The following OR4E2 variants were observed in gnomAD, a reference collection of about 807,000 sequenced individuals.
The protein encoded by OR4E2 is olfactory receptor 4E2.
OR4E2 carries 9 observed loss-of-function variants against 11.0 expected under a neutral mutation model. That is an observed-to-expected ratio of 0.82 (90% CI 0.49 to 1.43). The LOEUF is 1.43. OR4E2 is among the 40% of genes most tolerant of loss of function. The pLI is 0.00. For missense variants in OR4E2, 441 were observed against 382.0 expected (o/e 1.15, Z -1.29); for synonymous variants, 159 against 147.3 (o/e 1.08, Z -0.57).
chr14:21,660,345 G>T (rs1415632834), intron 2 of OR4E2, among the ~76,000 whole-genome samples: 5 of 152,238 alleles, frequency 3.3e-5, no homozygotes, highest in Admixed American at 6.5e-5. Flanking sequence ...TGGCCCAGGT[G>T]CTGGGGACCC....
chr14:21,654,341 A>G (rs1328466944), intron 1 of OR4E2, among the ~76,000 whole-genome samples: 1 of 151,830 alleles, frequency 6.6e-6, no homozygotes, highest in Non-Finnish European at 1.5e-5. Flanking sequence ...AGAGAAGCAG[A>G]ACCAAAGGTT....
intron 2 of OR4E2, among the ~76,000 whole-genome samples, chr14:21,659,594 C>A (rs1388249015): frequency 6.6e-6 from 1 of 152,014 alleles, no homozygotes; most frequent in Non-Finnish European, 1.5e-5. Flanking sequence ...TTTAATCTTG[C>A]AAATATTTTG....
intron 2 of OR4E2, among the ~76,000 whole-genome samples, chr14:21,659,780 A>G (rs1287462986): frequency 6.6e-6 from 1 of 152,232 alleles, no homozygotes; most frequent in Non-Finnish European, 1.5e-5. Flanking sequence ...TGATTCATAG[A>G]GCGAAACAAA....
At chr14:21,659,228 T>C (rs759263697) in intron 2 of OR4E2, among the ~76,000 whole-genome samples, 1 of 152,134 alleles carries the variant, frequency 6.6e-6, no homozygotes, top group Non-Finnish European at 1.5e-5. Context: ...AGAGATGCAG[T>C]GTCACTATGT....
At chr14:21,662,555 CT>C (rs1381509316) in intron 3 of OR4E2, among the ~76,000 whole-genome samples, 1 of 152,186 alleles carries the variant, frequency 6.6e-6, no homozygotes, top group Admixed American at 6.5e-5. Flanking sequence ...CTGCCTCGGC[CT>C]CCCAAAGTGC....
chr14:21,659,710 C>T (rs1880207908), intron 2 of OR4E2, among the ~76,000 whole-genome samples: 1 of 152,084 alleles, frequency 6.6e-6, no homozygotes, highest in South Asian at 2.1e-4. Flanking sequence ...AAGTTATAAT[C>T]GTTCAAAAAT....
intron 3 of OR4E2, among the ~76,000 whole-genome samples, chr14:21,661,454 A>G (rs1880321670): frequency 6.6e-6 from 1 of 152,066 alleles, no homozygotes; most frequent in African/African-American, 2.4e-5. Context: ...GGTTCGTAAT[A>G]TACTCATAAT....
At chr14:21,664,511 G>A (rs1169203464) in intron 3 of OR4E2, among the ~76,000 whole-genome samples, 1 of 152,132 alleles carries the variant, frequency 6.6e-6, no homozygotes, top group African/African-American at 2.4e-5. Flanking sequence ...CTGAGCAGAG[G>A]GAAAAGAAAA....
At position 21,665,888 on chromosome 14, in the gene OR4E2, A is replaced by G. The variant is rs1880621120; in HGVS notation, c.806A>G (p.Lys269Arg). The change falls in exon 4 of 4, where the codon AAG becomes AGG. Residue 269 changes from lysine (K) to arginine (R), a missense_variant. Lys to Arg is a conservative substitution (Grantham distance 26, BLOSUM62 2). Coordinates refer to ENST00000641524, the MANE Select transcript of OR4E2 (RefSeq NM_001001912.3). ...TRPDTSFSIDKVVSVFYTVVT... is the reference protein window; with the variant it reads ...TRPDTSFSIDRVVSVFYTVVT... Reference sequence around the variant, plus strand: ...CCAGACACCAGCTTCTCCATTGACAAGGTGGTGTCTGTCTTCTACACAGTG... The same window carrying G: ...CCAGACACCAGCTTCTCCATTGACAGGGTGGTGTCTGTCTTCTACACAGTG... 6.2e-7 allele frequency: 1 copy of G among 1,609,994 alleles called. No homozygotes were observed. Among genetic ancestry groups the G allele is most frequent in the South Asian group, 1.1e-5 (1 of 90,384 alleles).
In OR4E2 at chr14:21,666,297, A is replaced by G; in HGVS notation, c.*273A>G. On this transcript the variant is annotated 3_prime_UTR_variant, in exon 4 of 4. Coordinates refer to ENST00000641524, the MANE Select transcript of OR4E2 (RefSeq NM_001001912.3). ...CAGCTTTTGATTTCATCAGTAAAAG[A>G]ATACAATTTGGGGAACTCAGTTCAG... is the stretch of plus-strand genomic sequence containing the variant. 5.8e-6 allele frequency: 2 copies of G among 343,090 alleles called. No individual in the cohort carries two copies. Among genetic ancestry groups the G allele is most frequent in the Non-Finnish European group, 1.1e-5 (2 of 188,692 alleles). The allele number at this position is 343,090 out of a possible 1,614,324, so 21.3% of individuals were successfully genotyped here.
At chr14:21,659,103 A>G (rs2139802994) in intron 2 of OR4E2, among the ~76,000 whole-genome samples, 1 of 152,128 alleles carries the variant, frequency 6.6e-6, no homozygotes, top group African/African-American at 2.4e-5. Flanking sequence ...TGGCATGATC[A>G]TAGCTCACTG....
intron 3 of OR4E2, among the ~76,000 whole-genome samples, chr14:21,664,207 A>G (rs1178203793): frequency 6.6e-6 from 1 of 152,224 alleles, no homozygotes; most frequent in Admixed American, 6.5e-5. Flanking sequence ...GAACTAATTT[A>G]CAGTCCCATC....
At chr14:21,659,194 CT>C (rs1880179425) in intron 2 of OR4E2, among the ~76,000 whole-genome samples, 1 of 151,934 alleles carries the variant, frequency 6.6e-6, no homozygotes. Context: ...TGCCACCACA[CT>C]CAGCTAATTT....
intron 2 of OR4E2, among the ~76,000 whole-genome samples, chr14:21,657,249 C>T (rs1239255486): frequency 6.6e-6 from 1 of 152,106 alleles, no homozygotes; most frequent in African/African-American, 2.4e-5. Flanking sequence ...TAGCTCTGCT[C>T]CTCTGGGATT....
intron 3 of OR4E2, among the ~76,000 whole-genome samples, chr14:21,662,787 C>G (rs12435202): frequency 0.034 from 5,176 of 152,184 alleles, 186 homozygotes; most frequent in Admixed American, 0.11. Flanking sequence ...ATGTAAGCCT[C>G]ACGTTATTTT....
chr14:21,664,546 T>C (rs559663627), intron 3 of OR4E2, among the ~76,000 whole-genome samples: 1 of 152,210 alleles, frequency 6.6e-6, no homozygotes, highest in East Asian at 1.9e-4. Context: ...TTTTGGAAGG[T>C]AAGTAGGTGG....
chr14:21,665,697 C>T lies in OR4E2; in HGVS notation c.615C>T (p.Thr205=). ...TACTGATTGTGACCAATAGTGGAACCATCTCCCTCTCCTGTTTCTTGGCCG... is the reference window on the plus strand; with the variant it reads ...TACTGATTGTGACCAATAGTGGAACTATCTCCCTCTCCTGTTTCTTGGCCG... The part of the protein sequence containing the change: ...TGILIVTNSG[T]ISLSCFLAVV... Residue 205 remains threonine (T), a synonymous_variant, in exon 4 of 4, where the codon ACC becomes ACT. Coordinates refer to ENST00000641524, the MANE Select transcript of OR4E2 (RefSeq NM_001001912.3). The T allele has an allele frequency of 6.2e-7, 1 of 1,614,160 alleles. No homozygotes were observed. Among genetic ancestry groups the T allele is most frequent in the Non-Finnish European group, 8.5e-7 (1 of 1,180,000 alleles).
chr14:21,655,955 G>A (rs547866584), intron 1 of OR4E2, among the ~76,000 whole-genome samples: 2 of 151,650 alleles, frequency 1.3e-5, no homozygotes, highest in South Asian at 4.2e-4. Flanking sequence ...AAAAGAAAAA[G>A]GATTAAAAAA....
chr14:21,658,837 A>G (rs1267741522), intron 2 of OR4E2, among the ~76,000 whole-genome samples: 1 of 152,032 alleles, frequency 6.6e-6, no homozygotes, highest in African/African-American at 2.4e-5. Context: ...GAATTCTAAT[A>G]TACGCAGTAT....
Sources: allele counts gnomAD v4.1 joint callset (sites outside exome capture counted in the v4.1 genomes callset), GRCh38; gene constraint gnomAD v4.1.1; transcripts MANE v1.5; gene names NCBI Gene and HGNC (gene_info 2026-07-23, HGNC 2026-07-21).